The following PRKN variants were observed in gnomAD, a reference collection of about 807,000 sequenced individuals.
PRKN encodes E3 ubiquitin-protein ligase parkin.
PRKN carries 56 observed loss-of-function variants against 59.5 expected under a neutral mutation model. The observed-to-expected ratio is 0.94, with a 90% confidence interval of 0.76 to 1.18. The LOEUF is 1.18. Among genes scored for constraint, PRKN ranks in the 50% most tolerant of loss-of-function variants. The probability of loss-of-function intolerance (pLI) is 0.00; values close to 1 mark genes in which losing one functional copy is unlikely to be tolerated. For synonymous variants in PRKN, 250 were observed against 222.1 expected, an observed-to-expected ratio of 1.13 and a Z score of -1.12; for missense variants, 657 against 596.4, an observed-to-expected ratio of 1.10 and a Z score of -1.06.
chr6:162,145,741 A>G (rs1002505075), intron 4 of PRKN, among the ~76,000 whole-genome samples: 1 of 152,112 alleles, frequency 6.6e-6, no homozygotes, highest in Non-Finnish European at 1.5e-5. Flanking sequence ...TTGGCCCGCA[A>G]TCAGCATCCA....
intron 2 of PRKN, among the ~76,000 whole-genome samples, chr6:162,406,419 T>C (rs1167582545): frequency 6.6e-6 from 1 of 152,200 alleles, no homozygotes; most frequent in Non-Finnish European, 1.5e-5. Context: ...AAACACACCA[T>C]TCAACATCTT....
At position 161,470,619 on chromosome 6, in the gene PRKN, C is replaced by T. The variant is rs146161403; in HGVS notation, c.1083+78235G>A. 1.8e-3 allele frequency among the ~76,000 whole-genome samples: 271 copies of T among 152,322 alleles called. No homozygotes were observed. Among genetic ancestry groups the T allele is most frequent in the African/African-American group, 6.3e-3 (262 of 41,568 alleles). On this transcript the variant is annotated intron_variant, in intron 9 of 11. Transcript: ENST00000366898. This position sits in a 1 kb window ranked among gnomAD's most constrained non-coding sequence, Gnocchi z 5.1. ...GAGTCTGTGGAGCTAAAAAGCTGCA[C>T]CCACAACAGCACATGCTTGCCCTTC... is the stretch of plus-strand genomic sequence containing the variant.
chr6:161,517,764 A>AAAAAT (rs1778669550), intron 9 of PRKN, among the ~76,000 whole-genome samples: 1 of 150,182 alleles, frequency 6.7e-6, no homozygotes, highest in South Asian at 2.1e-4. Flanking sequence ...AAAAAAAAAA[A>AAAAAT]AGAGTTGAGG....
At chr6:162,391,368 T>C (rs772512464) in intron 2 of PRKN, among the ~76,000 whole-genome samples, 60 of 148,522 alleles carry the variant, frequency 4.0e-4, no homozygotes, top group Middle Eastern at 3.5e-3. Flanking sequence ...GGAAGATAAT[T>C]TTCTTACTGC....
chr6:162,360,349 C>T (rs1785082564), intron 2 of PRKN, among the ~76,000 whole-genome samples: 1 of 152,068 alleles, frequency 6.6e-6, no homozygotes, highest in Non-Finnish European at 1.5e-5. Flanking sequence ...TTGGACAATG[C>T]CACATTCACA....
Position 161,488,568 on chromosome 6 carries a change from C to A in PRKN, c.1083+60286G>T, listed in dbSNP as rs1253625234. Among the ~76,000 whole-genome samples the A allele has an allele frequency of 4.6e-5, 7 of 152,124 alleles. No homozygotes were observed. Among genetic ancestry groups the A allele is most frequent in the African/African-American group, 9.7e-5 (4 of 41,434 alleles). On this transcript the variant is annotated intron_variant, in intron 9 of 11. Transcript: ENST00000366898. The surrounding 1 kb of genome is among the most constrained non-coding windows in gnomAD (Gnocchi z 4.5). ...GTGGTGGTGCCATCATAGCTCACTGCATGAATTCCTGGGCTCAAGTGATCT... is the reference window on the plus strand; with the variant it reads ...GTGGTGGTGCCATCATAGCTCACTGAATGAATTCCTGGGCTCAAGTGATCT...
In PRKN at chr6:161,466,205, T is replaced by C. The variant is rs1010017793; in HGVS notation, c.1084-79328A>G. Reference sequence around the variant, plus strand: ...CCTGTGTTTCTATTTGAACAGTTTATATTGACCGCTCTTCAAGATCATTGA... The same window carrying C: ...CCTGTGTTTCTATTTGAACAGTTTACATTGACCGCTCTTCAAGATCATTGA... On this transcript the variant is annotated intron_variant, in intron 9 of 11. Transcript: ENST00000366898. This position sits in a 1 kb window ranked among gnomAD's most constrained non-coding sequence, Gnocchi z 5.0. Among the ~76,000 whole-genome samples, 2 of 152,206 alleles carry C rather than the reference T, an allele frequency of 1.3e-5. No individual in the cohort carries two copies. The highest frequency in any genetic ancestry group is 2.9e-5 in the Non-Finnish European group (2 of 68,026).
rs2115460184 is a variant in PRKN at position 161,561,514 on chromosome 6, TG to T, written c.933+7840del. On this transcript the variant is annotated intron_variant, in intron 8 of 11. Transcript: ENST00000366898. This position sits in a 1 kb window ranked among gnomAD's most constrained non-coding sequence, Gnocchi z 5.0. ...CAGTGAAAAATGACATCTTCCTTCG[TG>T]GAGCCATCATACTGCATCTCTCCTC... Among the ~76,000 whole-genome samples, 1 of 152,268 alleles carries T rather than the reference TG, an allele frequency of 6.6e-6. No homozygotes were observed. Among genetic ancestry groups the T allele is most frequent in the African/African-American group, 2.4e-5 (1 of 41,558 alleles).
At chr6:162,101,417 C>A (rs1189836749) in intron 4 of PRKN, among the ~76,000 whole-genome samples, 1 of 151,804 alleles carries the variant, frequency 6.6e-6, no homozygotes, top group East Asian at 2.0e-4. Flanking sequence ...GCCTGTAATC[C>A]CAGCACTTTG....
intron 6 of PRKN, among the ~76,000 whole-genome samples, chr6:161,960,226 GA>G (rs1780330974): frequency 6.6e-6 from 1 of 152,184 alleles, no homozygotes; most frequent in African/African-American, 2.4e-5. Flanking sequence ...AGAACAAGAA[GA>G]TGCTCTTATT....
chr6:161,897,584 C>T (rs1026524039), intron 6 of PRKN, among the ~76,000 whole-genome samples: 1 of 152,150 alleles, frequency 6.6e-6, no homozygotes, highest in African/African-American at 2.4e-5. Context: ...GTACTCTATA[C>T]AGCAATTGTT....
In PRKN at chr6:161,448,186, T is replaced by A. The variant is rs933507760; in HGVS notation, c.1084-61309A>T. Among the ~76,000 whole-genome samples the A allele has an allele frequency of 1.3e-5, 2 of 152,220 alleles. No individual in the cohort carries two copies. Among genetic ancestry groups the A allele is most frequent in the African/African-American group, 4.8e-5 (2 of 41,454 alleles). ...CTCCCTTTTGCCTCCATAAAAGATC[T>A]TCACTTTTCCCCACACCGTAATATT... On this transcript the variant is annotated intron_variant, in intron 9 of 11. Coordinates refer to ENST00000366898, the MANE Select transcript of PRKN (RefSeq NM_004562.3). The surrounding 1 kb of genome is among the most constrained non-coding windows in gnomAD (Gnocchi z 5.1).
At chr6:162,199,452 A>G (rs1313216084) in intron 4 of PRKN, among the ~76,000 whole-genome samples, 2 of 152,186 alleles carry the variant, frequency 1.3e-5, no homozygotes, top group Non-Finnish European at 2.9e-5. Flanking sequence ...GGAATTCAAT[A>G]TTCATTTTTA....
intron 6 of PRKN, among the ~76,000 whole-genome samples, chr6:161,840,519 G>T (rs1371268587): frequency 6.6e-6 from 1 of 152,128 alleles, no homozygotes; most frequent in Non-Finnish European, 1.5e-5. Flanking sequence ...TGGTCATGGG[G>T]GTTTGTTGTA....
At chr6:162,237,866 A>G (rs796802549) in intron 3 of PRKN, among the ~76,000 whole-genome samples, 2 of 152,246 alleles carry the variant, frequency 1.3e-5, no homozygotes, top group African/African-American at 4.8e-5. Flanking sequence ...CTGGTGGGAA[A>G]GAAAACAGGC....
intron 1 of PRKN, among the ~76,000 whole-genome samples, chr6:162,722,393 C>A (rs576002007): frequency 1.3e-5 from 2 of 152,220 alleles, no homozygotes; most frequent in Admixed American, 1.3e-4. Flanking sequence ...AGTAAATAAG[C>A]CAGGGAGGTG....
chr6:162,318,551 G>A (rs1441270976), intron 2 of PRKN, among the ~76,000 whole-genome samples: 2 of 151,940 alleles, frequency 1.3e-5, no homozygotes, highest in Non-Finnish European at 1.5e-5. Flanking sequence ...TTTCCACAGC[G>A]GTTGCACCAG....
chr6:162,393,137 G>A (rs1787286082), intron 2 of PRKN, among the ~76,000 whole-genome samples: 1 of 130,130 alleles, frequency 7.7e-6, no homozygotes, highest in Non-Finnish European at 1.6e-5. Flanking sequence ...AGTTGATACT[G>A]GGTGAGGATA....
At chr6:162,291,849 GACAA>G (rs1781443087) in intron 2 of PRKN, among the ~76,000 whole-genome samples, 1 of 152,006 alleles carries the variant, frequency 6.6e-6, no homozygotes, top group African/African-American at 2.4e-5. Context: ...AAGCGTTGAA[GACAA>G]ACAAGATGTT....
Sources: gnomAD v4.1 joint callset for allele counts (sites outside exome capture counted in the v4.1 genomes callset) on GRCh38, gnomAD v4.1.1 for gene constraint, Gnocchi (gnomAD v3.1) non-coding constraint, MANE v1.5 for transcripts, NCBI Gene and HGNC (gene_info 2026-07-23, HGNC 2026-07-21) for gene names.